The following PPP2R2D variants were observed in gnomAD, a reference collection of about 807,000 sequenced individuals.
The protein encoded by PPP2R2D is serine/threonine-protein phosphatase 2A 55 kDa regulatory subunit B delta isoform.
In PPP2R2D, 9 loss-of-function variants were observed where a neutral mutation model predicts 31.1. The observed-to-expected ratio is 0.29, with a 90% CI of 0.17 to 0.51. The LOEUF (loss-of-function observed/expected upper bound fraction) is 0.51. PPP2R2D is among the 20% of genes least tolerant of loss of function. The pLI is 0.98. For synonymous variants in PPP2R2D, 179 were observed against 172.6 expected, an observed-to-expected ratio of 1.04 and a Z score of -0.29; for missense variants, 391 against 465.6, an observed-to-expected ratio of 0.84 and a Z score of 1.48.
At chr10:131,931,540 G>C (rs2036227396) in intron 2 of PPP2R2D, among the ~76,000 whole-genome samples, 1 of 152,194 alleles carries the variant, frequency 6.6e-6, no homozygotes, top group Non-Finnish European at 1.5e-5. Flanking sequence ...TAGAGATGGG[G>C]CTTTGCCATG....
In PPP2R2D at chr10:131,956,032, G is replaced by C; in HGVS notation, c.*69G>C. ...CGGACATTTTTCTGTCAGAGAAAAGGCATCATTGTCCGCTCCATTAAGAAC... is the reference window on the plus strand; with the variant it reads ...CGGACATTTTTCTGTCAGAGAAAAGCCATCATTGTCCGCTCCATTAAGAAC... On this transcript the variant is annotated 3_prime_UTR_variant, in exon 9 of 9. Coordinates refer to ENST00000455566, the MANE Select transcript of PPP2R2D (RefSeq NM_018461.5). 1 of 1,371,782 alleles carries C rather than the reference G, an allele frequency of 7.3e-7. No individual in the cohort carries two copies. The highest frequency in any genetic ancestry group is 2.0e-5 in the South Asian group (1 of 49,330). The allele number at this position is 1,371,782 out of a possible 1,614,324, so 85.0% of individuals were successfully genotyped here. A position where few individuals can be genotyped will look rare whatever the true frequency, so the allele number is the denominator to read the frequency against.
At chr10:131,929,545 G>A (rs1417076144) in intron 2 of PPP2R2D, among the ~76,000 whole-genome samples, 3 of 152,094 alleles carry the variant, frequency 2.0e-5, no homozygotes, top group Non-Finnish European at 4.4e-5. Flanking sequence ...GGGGACTTCC[G>A]CCATAGGCTC....
At chr10:131,962,900 C>T (rs184619024), downstream of PPP2R2D, among the ~76,000 whole-genome samples, 2 of 152,324 alleles carry the variant, frequency 1.3e-5, no homozygotes, top group Admixed American at 6.5e-5. Flanking sequence ...CATGGTGGCT[C>T]ACGCCTGTAA....
At chr10:131,948,407 A>G (rs532741026) in intron 8 of PPP2R2D, among the ~76,000 whole-genome samples, 5 of 152,336 alleles carry the variant, frequency 3.3e-5, no homozygotes, top group South Asian at 4.1e-4. Flanking sequence ...CCATTTTTAT[A>G]TAGAATTTTT....
At chr10:131,943,679 C>T (rs1039588046) in intron 5 of PPP2R2D, among the ~76,000 whole-genome samples, 3 of 152,322 alleles carry the variant, frequency 2.0e-5, no homozygotes, top group Admixed American at 6.5e-5. Context: ...GAGAGGGAGC[C>T]GCAGGCCTCG....
In PPP2R2D at chr10:131,943,956, T is replaced by G; in HGVS notation, c.478-12T>G. 1.2e-6 allele frequency: 1 copy of G among 820,056 alleles called. No homozygotes were observed. Among genetic ancestry groups the G allele is most frequent in the Non-Finnish European group, 2.2e-6 (1 of 457,996 alleles). 50.8% of individuals were successfully genotyped at this position (820,056 alleles called of 1,614,324 possible). A position where few individuals can be genotyped will look rare whatever the true frequency, so the allele number is the denominator to read the frequency against. ...ATCTTTGTTTTGAATTCCTATTTCC[T>G]TCCATTTTTAGGTCCCAATATTGAA... On this transcript the variant is annotated splice_polypyrimidine_tract_variant and intron_variant, in intron 5 of 8. Transcript: ENST00000455566.
chr10:131,924,011 GC>G (rs1464219758), intron 2 of PPP2R2D, among the ~76,000 whole-genome samples: 3 of 152,108 alleles, frequency 2.0e-5, no homozygotes, highest in Non-Finnish European at 4.4e-5. Flanking sequence ...TAGCCACCGT[GC>G]CCGGGCCTTT....
At chr10:131,916,208 A>G (rs2035776418) in intron 2 of PPP2R2D, among the ~76,000 whole-genome samples, 1 of 152,180 alleles carries the variant, frequency 6.6e-6, no homozygotes, top group Non-Finnish European at 1.5e-5. Context: ...AGGCGCACAC[A>G]CAGCACCCAG....
rs1246952862 is a variant in PPP2R2D, at chr10:131,919,134, C to T, written c.101-15324C>T. On this transcript the variant is annotated intron_variant, in intron 2 of 8. Transcript: ENST00000455566. ...GGAATGACAGTGTAGGGACCTCAGG[C>T]GGGTGGAATGACACAGTGTAGGGAT... Among the ~76,000 whole-genome samples the T allele has an allele frequency of 1.6e-5, 2 of 124,088 alleles. 1 individual carries two copies. Among genetic ancestry groups the T allele is most frequent in the Non-Finnish European group, 3.4e-5 (2 of 59,684 alleles). The allele number at this position is 124,088 out of a possible 152,430, so 81.4% of individuals were successfully genotyped here. A position where few individuals can be genotyped will look rare whatever the true frequency, so the allele number is the denominator to read the frequency against.
chr10:131,962,641 T>C (rs373713502), downstream of PPP2R2D, among the ~76,000 whole-genome samples: 6 of 152,156 alleles, frequency 3.9e-5, no homozygotes, highest in African/African-American at 1.4e-4. Context: ...GCAGGGACCG[T>C]CCATCGCTGG....
chr10:131,927,280 T>C (rs1027713272), intron 2 of PPP2R2D, among the ~76,000 whole-genome samples: 1 of 151,268 alleles, frequency 6.6e-6, no homozygotes, highest in African/African-American at 2.4e-5. Context: ...GGAGAAACTC[T>C]CCCCCCGGGG....
At chr10:131,915,973 T>C (rs574695270) in intron 2 of PPP2R2D, among the ~76,000 whole-genome samples, 2 of 152,194 alleles carry the variant, frequency 1.3e-5, no homozygotes, top group African/African-American at 2.4e-5. Context: ...CATTAAAGAA[T>C]TCAGTAGTAA....
intron 2 of PPP2R2D, among the ~76,000 whole-genome samples, chr10:131,921,282 AC>A (rs1359910937): frequency 5.9e-5 from 9 of 152,170 alleles, no homozygotes; most frequent in Admixed American, 3.3e-4. Context: ...GCAGGGAGTG[AC>A]CGGGGGAATG....
intron 2 of PPP2R2D, among the ~76,000 whole-genome samples, chr10:131,928,737 A>G (rs2036152343): frequency 6.6e-6 from 1 of 152,154 alleles, no homozygotes; most frequent in Admixed American, 6.5e-5. Flanking sequence ...TCACATTTTT[A>G]TTTTGTTTTG....
chr10:131,901,160 GGGGTCTGCGC>G lies in PPP2R2D; in HGVS notation c.7+9_7+18del, dbSNP rs2035485712. On this transcript the variant is annotated splice_donor_region_variant and intron_variant, in intron 1 of 8. Coordinates refer to ENST00000455566, the MANE Select transcript of PPP2R2D (RefSeq NM_018461.5). ...CGCCGCCGGCTGCCATGGCAGGTGA[GGGGTCTGCGC>G]GGGCCGGCGGGGACCACGGGGGCGG... The G allele has an allele frequency of 9.7e-6, 3 of 308,470 alleles. No homozygotes were observed. The highest frequency in any genetic ancestry group is 1.8e-5 in the Non-Finnish European group (3 of 169,070). 19.1% of individuals were successfully genotyped at this position (308,470 alleles called of 1,614,324 possible). A position where few individuals can be genotyped will look rare whatever the true frequency, so the allele number is the denominator to read the frequency against.
At chr10:131,950,983 C>G (rs2036625843) in intron 8 of PPP2R2D, among the ~76,000 whole-genome samples, 1 of 152,160 alleles carries the variant, frequency 6.6e-6, no homozygotes, top group African/African-American at 2.4e-5. Context: ...GGATAACGAA[C>G]AGAGATTAAG....
intron 8 of PPP2R2D, among the ~76,000 whole-genome samples, chr10:131,953,777 G>A (rs540716568): frequency 2.1e-5 from 3 of 146,318 alleles, no homozygotes; most frequent in Non-Finnish European, 4.5e-5. Flanking sequence ...GCGAGTGTGC[G>A]GGGGGTTCAC....
intron 4 of PPP2R2D, among the ~76,000 whole-genome samples, 178 bp downstream of exon 4, chr10:131,940,374 C>CG (rs1158729908): frequency 6.6e-6 from 1 of 152,012 alleles, no homozygotes; most frequent in African/African-American, 2.4e-5. Flanking sequence ...AAAAACCACA[C>CG]GTGCACTTTA....
In PPP2R2D at chr10:131,930,136, CT is replaced by C. The variant is rs567916746; in HGVS notation, c.101-4318del. Among the ~76,000 whole-genome samples the C allele has an allele frequency of 8.5e-5, 13 of 152,308 alleles. No homozygotes were observed. The South Asian group carries it at 2.7e-3, about 32-fold the overall frequency. ...AATATTGTGTATTACTGAACTGTGCCTTTTCTTTTTCACACAAGTTTTCACT... is the reference window on the plus strand; with the variant it reads ...AATATTGTGTATTACTGAACTGTGCCTTTCTTTTTCACACAAGTTTTCACT... On this transcript the variant is annotated intron_variant, in intron 2 of 8. Coordinates refer to ENST00000455566, the MANE Select transcript of PPP2R2D (RefSeq NM_018461.5).
Sources: allele counts gnomAD v4.1 joint callset (sites outside exome capture counted in the v4.1 genomes callset), GRCh38; gene constraint gnomAD v4.1.1; transcripts MANE v1.5; gene names NCBI Gene and HGNC (gene_info 2026-07-23, HGNC 2026-07-21).